Variants in LAMA5 observed in about 807,000 individuals in gnomAD.
LAMA5 encodes laminin subunit alpha 5, also known as laminin subunit alpha-5.
LAMA5 carries 260 observed loss-of-function variants against 433.4 expected under a neutral mutation model. The observed-to-expected ratio is 0.60, with a 90% CI of 0.54 to 0.66. The LOEUF is 0.66. LAMA5 is among the 30% of genes least tolerant of loss of function. The pLI is 0.00. For missense variants in LAMA5, 5,378 were observed against 5,258.5 expected, an observed-to-expected ratio of 1.02 and a Z score of -0.70; for synonymous variants, 2,620 against 2,226.6, an observed-to-expected ratio of 1.18 and a Z score of -4.97.
Position 62,309,701 on chromosome 20 carries a change from C to T in LAMA5, c.10948+15G>A. 2 of 1,513,266 alleles carry T rather than the reference C, an allele frequency of 1.3e-6. No homozygotes were observed. Among genetic ancestry groups the T allele is most frequent in the Non-Finnish European group, 1.8e-6 (2 of 1,129,452 alleles). 93.7% of individuals were successfully genotyped at this position (1,513,266 alleles called of 1,614,324 possible). A position where few individuals can be genotyped will look rare whatever the true frequency, so the allele number is the denominator to read the frequency against. On this transcript the variant is annotated intron_variant, in intron 79 of 79. Coordinates refer to ENST00000252999, the MANE Select transcript of LAMA5 (RefSeq NM_005560.6). The stretch of plus-strand genomic sequence containing the variant: ...GAGGGGCAGCTCCCCCACCCTTGAT[C>T]AAGGCCGCACTCACCAGGCAGGCCC...
intron 21 of LAMA5, 40 bp from the exon 22 acceptor site, chr20:62,334,382 C>T (rs1210107024): frequency 1.3e-6 from 2 of 1,549,864 alleles, no homozygotes; most frequent in South Asian, 1.2e-5. Flanking sequence ...GCTTGGCCAT[C>T]CTACCTAGCC....
intron 2 of LAMA5, among the ~76,000 whole-genome samples, chr20:62,360,908 C>T (rs1568989887): frequency 1.3e-5 from 2 of 152,206 alleles, no homozygotes; most frequent in South Asian, 2.1e-4. Context: ...AGCCCAGGCT[C>T]GTGGGTCCGA....
rs749887068 is a variant in LAMA5, at chr20:62,334,230, C to T, written c.2695G>A (p.Glu899Lys). ...GCGTAGCCCCTCCAGCTGAAGTTCT[C>T]GAACTCGAGGGGGTTGAAGCCAAAG... ...VRFGFNPLEFENFSWRGYAQM... is the reference protein window; with the variant it reads ...VRFGFNPLEFKNFSWRGYAQM... Residue 899 changes from glutamate to lysine, a missense_variant, in exon 22 of 80, where the codon GAG becomes AAG. Physicochemically the swap from Glu to Lys is moderately conservative, Grantham distance 56 (BLOSUM62 1). Transcript: ENST00000252999. 6.8e-6 allele frequency: 11 copies of T among 1,612,786 alleles called. No individual in the cohort carries two copies. Among genetic ancestry groups the T allele is most frequent in the Middle Eastern group, 1.6e-4 (1 of 6,082 alleles).
chr20:62,347,047 G>C lies in LAMA5; in HGVS notation c.957-19C>G, dbSNP rs759478901. On this transcript the variant is annotated intron_variant, in intron 6 of 79. Coordinates refer to ENST00000252999, the MANE Select transcript of LAMA5 (RefSeq NM_005560.6). ...CTGCAGCCTGTGGGGTACACAGGAG[G>C]GGGGATCAGGCCCATCCTGGAGGCA... The C allele has an allele frequency of 1.9e-5, 31 of 1,597,718 alleles. No homozygotes were observed. The Middle Eastern group carries it at 8.6e-4, about 44-fold the overall frequency.
At chr20:62,309,608 G>A (rs1464146502) in intron 79 of LAMA5, 108 bp downstream of exon 79, 2 of 482,580 alleles carry the variant, frequency 4.1e-6, no homozygotes, top group Non-Finnish European at 7.1e-6. Context: ...GGGGGTGGGA[G>A]GAGGGTGGGA....
Position 62,310,099 on chromosome 20 carries a change from G to T in LAMA5, c.10735-18C>A. 6.2e-7 allele frequency: 1 copy of T among 1,610,918 alleles called. No homozygotes were observed. ...AGCAGGACCTGGCGGGGTAGGAAGG[G>T]AGGGTCAGGCTATGCCCCCGAGGTC... is the stretch of plus-strand genomic sequence containing the variant. On this transcript the variant is annotated intron_variant, in intron 77 of 79. Coordinates refer to ENST00000252999, the MANE Select transcript of LAMA5 (RefSeq NM_005560.6).
Position 62,330,527 on chromosome 20 carries a change from G to A in LAMA5, c.3940C>T (p.Pro1314Ser). The change falls in exon 31 of 80, where the codon CCC becomes TCC. Residue 1314 changes from proline (P) to serine (S), a missense_variant. Transcript: ENST00000252999. ...CCGGCGTTGATGAGGACTTCCACGGGGAAGGTGGGGTGGGCTGGCTGGTAG... is the reference window on the plus strand; with the variant it reads ...CCGGCGTTGATGAGGACTTCCACGGAGAAGGTGGGGTGGGCTGGCTGGTAG... ...HGYQPAHPTF[P>S]VEVLINAGRV... 2 of 1,576,058 alleles carry A rather than the reference G, an allele frequency of 1.3e-6. No individual in the cohort carries two copies. The highest frequency in any genetic ancestry group is 1.7e-6 in the Non-Finnish European group (2 of 1,161,644).
Position 62,320,844 on chromosome 20 carries a change from G to A in LAMA5, c.6543C>T (p.Ala2181=), listed in dbSNP as rs143469163. 3,336 of 1,612,388 alleles carry A rather than the reference G, an allele frequency of 2.1e-3. 8 individuals are homozygous for A. The highest frequency in any genetic ancestry group is 2.6e-3 in the Non-Finnish European group (3,054 of 1,179,786). ...CGTGAATGGCGGGGAGGAGGGCGCC[G>A]GCCCGTTCCAGGTCATCCAGGAGCA... The part of the protein sequence containing the change: ...VVLLLDDLER[A]GALLPAIHEQ... The change falls in exon 49 of 80, where the codon GCC becomes GCT. Residue 2181 remains alanine (A), a synonymous_variant. Coordinates refer to ENST00000252999, the MANE Select transcript of LAMA5 (RefSeq NM_005560.6).
At chr20:62,347,643 G>A (rs973497090) in intron 6 of LAMA5, among the ~76,000 whole-genome samples, 1 of 152,164 alleles carries the variant, frequency 6.6e-6, no homozygotes, top group African/African-American at 2.4e-5. Context: ...CTTGCCTTAC[G>A]TCCCGTGGGC....
At chr20:62,355,605 CCTATTCACCGGCTGCCAGGCT>C (rs1239138816) in intron 2 of LAMA5, 1 of 152,238 alleles carries the variant, frequency 6.6e-6, no homozygotes, top group Admixed American at 6.5e-5. Context: ...GGGGCACAGG[CCTATTCACCGGCTGCCAGGCT>C]CTGAGGTCAT....
At chr20:62,322,522 C>G in intron 46 of LAMA5, 73 bp from the exon 47 acceptor site, 1 of 1,486,992 alleles carries the variant, frequency 6.7e-7, no homozygotes, top group South Asian at 1.2e-5. Flanking sequence ...GCCAGGGGTC[C>G]TGCCCATCTG....
In LAMA5 at chr20:62,320,885, CACACACTG is replaced by C; in HGVS notation, c.6497-3_6501del. On this transcript the variant is annotated splice_acceptor_variant and splice_polypyrimidine_tract_variant and coding_sequence_variant and intron_variant, in exon 49 of 80. Transcript: ENST00000252999. LOFTEE classifies it high-confidence loss of function. ...TCCAGGAGCAGGACCACACAGTGGT[CACACACTG>C]CAGGCGATGTGGGGTCACAGGTCAG... 1.2e-6 allele frequency: 2 copies of C among 1,607,132 alleles called. No homozygotes were observed. Among genetic ancestry groups the C allele is most frequent in the Non-Finnish European group, 1.7e-6 (2 of 1,176,866 alleles).
chr20:62,327,154 C>T, intron 38 of LAMA5, 79 bp downstream of exon 38: 1 of 1,368,720 alleles, frequency 7.3e-7, no homozygotes, highest in Non-Finnish European at 9.7e-7. Context: ...CCTGGACAGA[C>T]CCCGCTCCTG....
Position 62,332,492 on chromosome 20 carries a change from G to A in LAMA5, c.3444-12C>T. 6.2e-7 allele frequency: 1 copy of A among 1,611,206 alleles called. No individual in the cohort carries two copies. On this transcript the variant is annotated splice_polypyrimidine_tract_variant and intron_variant, in intron 27 of 79. Coordinates refer to ENST00000252999, the MANE Select transcript of LAMA5 (RefSeq NM_005560.6). The stretch of plus-strand genomic sequence containing the variant: ...CCCGGCACAGGGTGCTGTGGGGGGA[G>A]GGTGGTCAGCAGGTGGGGCAGCCCC...
chr20:62,333,068 C>T (rs202213477), intron 26 of LAMA5, 22 bp downstream of exon 26: 21 of 1,480,478 alleles, frequency 1.4e-5, no homozygotes, highest in African/African-American at 4.2e-5. Context: ...CCCATTGCTC[C>T]GTGGGGTCCC....
chr20:62,311,105 A>G lies in LAMA5; in HGVS notation c.10089-11T>C. The G allele has an allele frequency of 6.4e-7, 1 of 1,567,312 alleles. No homozygotes were observed. On this transcript the variant is annotated splice_polypyrimidine_tract_variant and intron_variant, in intron 73 of 79. Transcript: ENST00000252999. ...ATGGAGAGACTGGGCCTGGAAGCGG[A>G]GCTGGCGTCAGCCTGCGCGGCCCCT... is the stretch of plus-strand genomic sequence containing the variant.
In LAMA5 at chr20:62,319,724, C is replaced by T. The variant is rs755088016; in HGVS notation, c.6831G>A (p.Thr2277=). Residue 2277 remains threonine, a synonymous_variant, in exon 51 of 80, where the codon ACG becomes ACA. Transcript: ENST00000252999. ...CCACAGCCCGGATGGCCGCCAACAGCGTCTTCGCATGGCCCAGTGTGGCCT... is the reference window on the plus strand; with the variant it reads ...CCACAGCCCGGATGGCCGCCAACAGTGTCTTCGCATGGCCCAGTGTGGCCT... ...GTEATLGHAK[T]LLAAIRAVDR... 1.5e-5 allele frequency: 23 copies of T among 1,548,100 alleles called. No individual in the cohort carries two copies. Among genetic ancestry groups the T allele is most frequent in the Admixed American group, 5.9e-5 (3 of 51,274 alleles).
intron 38 of LAMA5, 131 bp from the exon 39 acceptor site, chr20:62,327,097 G>A (rs1036235894): frequency 4.3e-5 from 48 of 1,116,700 alleles, no homozygotes; most frequent in Admixed American, 5.4e-5. Context: ...ATTCCCTACC[G>A]GGACAGGGCC....
chr20:62,345,549 GGCACACATCACTACACCCA>G (rs1983229540), intron 11 of LAMA5: 1 of 605,046 alleles, frequency 1.7e-6, no homozygotes, highest in Admixed American at 2.3e-5. Context: ...TCGAACTACA[GGCACACATCACTACACCCA>G]GCTAATTTTT....
Sources: gnomAD v4.1 joint callset for allele counts (sites outside exome capture counted in the v4.1 genomes callset) on GRCh38, gnomAD v4.1.1 for gene constraint, MANE v1.5 for transcripts, NCBI Gene and HGNC (gene_info 2026-07-23, HGNC 2026-07-21) for gene names.